AADACL2: variants seen among roughly 807,000 people sequenced by gnomAD.
AADACL2 encodes the protein arylacetamide deacetylase like 2, also known as arylacetamide deacetylase-like 2.
Under a neutral mutation model 22.3 loss-of-function variants are expected in AADACL2, and 23 were observed. That is an observed-to-expected ratio of 1.03 (90% CI 0.74 to 1.46). AADACL2 has a LOEUF of 1.46. Among genes scored for constraint, AADACL2 ranks in the 40% most tolerant of loss-of-function variants. AADACL2 has a pLI of 0.00. For missense variants in AADACL2, 472 were observed against 482.9 expected (o/e 0.98, Z 0.21); for synonymous variants, 177 against 166.2 (o/e 1.07, Z -0.50).
chr3:151,759,896 G>T lies in AADACL2; in HGVS notation c.*2302G>T, dbSNP rs760508295. The stretch of plus-strand genomic sequence containing the variant: ...CAAGCCATTAAGTTTGGAAACAACT[G>T]AATGAAAGTCGTCTGTTATAATGTA... On this transcript the variant is annotated 3_prime_UTR_variant, in exon 5 of 5. Transcript: ENST00000356517. The T allele has an allele frequency of 2.0e-5, 3 of 152,144 alleles. No individual in the cohort carries two copies. The highest frequency in any genetic ancestry group is 6.5e-5 in the Admixed American group (1 of 15,270). 9.4% of individuals were successfully genotyped at this position (152,144 alleles called of 1,614,324 possible). A position where few individuals can be genotyped will look rare whatever the true frequency, so the allele number is the denominator to read the frequency against.
Position 151,744,189 on chromosome 3 carries a change from A to G in AADACL2, c.431+27A>G, listed in dbSNP as rs148245193. On this transcript the variant is annotated intron_variant, in intron 3 of 4. Transcript: ENST00000356517. ...TAAGAATGATTTTTTTCTGGCTACT[A>G]TGATTTTTGCCTTTACCATGTAGAG... 2.4e-4 allele frequency: 382 copies of G among 1,612,040 alleles called. 3 individuals are homozygous for G. The South Asian group carries it at 3.7e-3, about 16-fold the overall frequency.
At chr3:151,739,003 C>T (rs1005656979) in intron 1 of AADACL2, among the ~76,000 whole-genome samples, 15 of 152,178 alleles carry the variant, frequency 9.9e-5, no homozygotes, top group Non-Finnish European at 1.9e-4. Flanking sequence ...TCTGTCAATT[C>T]GTCAATCTCA....
At chr3:151,744,264 TTAATA>T (rs1713371402) in intron 3 of AADACL2, 102 bp downstream of exon 3, 1 of 1,070,118 alleles carries the variant, frequency 9.3e-7, no homozygotes, top group African/African-American at 1.6e-5. Context: ...ATTTTTTAAA[TTAATA>T]TATTTTACTT....
chr3:151,745,484 A>G (rs963170928), intron 3 of AADACL2, 25 bp from the exon 4 acceptor site: 43 of 1,599,014 alleles, frequency 2.7e-5, no homozygotes, highest in Non-Finnish European at 3.4e-5. Flanking sequence ...ACAACCATAA[A>G]TGCTTTATTA....
intron 2 of AADACL2, among the ~76,000 whole-genome samples, chr3:151,742,059 C>T (rs1206769254): frequency 6.6e-6 from 1 of 152,114 alleles, no homozygotes; most frequent in East Asian, 1.9e-4. Flanking sequence ...TAGATACTTT[C>T]TAATTTTCAC....
intron 4 of AADACL2, among the ~76,000 whole-genome samples, chr3:151,746,163 T>C (rs899693647): frequency 6.6e-6 from 1 of 152,044 alleles, no homozygotes; most frequent in Non-Finnish European, 1.5e-5. Context: ...CATGGAAATC[T>C]TTTCTCAAAT....
In AADACL2 at chr3:151,758,917, T is replaced by A. The variant is rs978728694; in HGVS notation, c.*1323T>A. ...GTTGGGACCAGACATTTTTCTCAAT[T>A]CTCCATGATTCAGAAGGCAATTAAG... On this transcript the variant is annotated 3_prime_UTR_variant, in exon 5 of 5. Transcript: ENST00000356517. 1 of 152,044 alleles carries A rather than the reference T, an allele frequency of 6.6e-6. No homozygotes were observed. Among genetic ancestry groups the A allele is most frequent in the Non-Finnish European group, 1.5e-5 (1 of 67,972 alleles). The allele number at this position is 152,044 out of a possible 1,614,324, so 9.4% of individuals were successfully genotyped here. A position where few individuals can be genotyped will look rare whatever the true frequency, so the allele number is the denominator to read the frequency against.
chr3:151,760,054 A>G lies in AADACL2; in HGVS notation c.*2460A>G, dbSNP rs577384124. The G allele has an allele frequency of 2.6e-5, 4 of 152,252 alleles. No homozygotes were observed. Among genetic ancestry groups the G allele is most frequent in the African/African-American group, 9.6e-5 (4 of 41,548 alleles). The allele number at this position is 152,252 out of a possible 1,614,324, so 9.4% of individuals were successfully genotyped here. A position where few individuals can be genotyped will look rare whatever the true frequency, so the allele number is the denominator to read the frequency against. ...AATCGGCACATCATCTCAAACATTT[A>G]TCATTTCTTTGTGTTGGGAATTTCA... On this transcript the variant is annotated 3_prime_UTR_variant, in exon 5 of 5. Transcript: ENST00000356517.
chr3:151,753,118 T>TA (rs1284895428), intron 4 of AADACL2, among the ~76,000 whole-genome samples: 4 of 152,168 alleles, frequency 2.6e-5, no homozygotes, highest in Admixed American at 1.3e-4. Context: ...GTCCCATACA[T>TA]AGATAGTATG....
At chr3:151,746,270 A>G (rs1174659368) in intron 4 of AADACL2, among the ~76,000 whole-genome samples, 1 of 151,614 alleles carries the variant, frequency 6.6e-6, no homozygotes. Flanking sequence ...ATTTATTTCT[A>G]TGCTATATAG....
At chr3:151,741,096 A>T (rs1438382590) in intron 2 of AADACL2, among the ~76,000 whole-genome samples, 1 of 152,134 alleles carries the variant, frequency 6.6e-6, no homozygotes, top group East Asian at 1.9e-4. Flanking sequence ...TTGTTTTTTT[A>T]TTATCCTTAG....
At position 151,744,032 on chromosome 3, in the gene AADACL2, T is replaced by C. The variant is rs1350639243; in HGVS notation, c.362-61T>C. On this transcript the variant is annotated intron_variant, in intron 2 of 4. Coordinates refer to ENST00000356517, the MANE Select transcript of AADACL2 (RefSeq NM_207365.4). ...ACAGTTATTTCCACATTCATATCTG[T>C]AACTGTTTCTATAGCTTTTTAATTA... The C allele has an allele frequency of 1.6e-5, 25 of 1,535,690 alleles. No homozygotes were observed. In the Admixed American group the frequency reaches 4.0e-4, roughly 25 times the overall value.
chr3:151,743,203 G>T (rs1713335223), intron 2 of AADACL2, among the ~76,000 whole-genome samples: 1 of 151,930 alleles, frequency 6.6e-6, no homozygotes, highest in African/African-American at 2.4e-5. Flanking sequence ...TTACTTTCCT[G>T]TTTTCCAGGT....
At chr3:151,754,649 T>C (rs1383003887) in intron 4 of AADACL2, among the ~76,000 whole-genome samples, 5 of 152,164 alleles carry the variant, frequency 3.3e-5, no homozygotes, top group African/African-American at 9.6e-5. Flanking sequence ...ACCTTTAAGT[T>C]ACTTAGCTAT....
At chr3:151,756,266 A>C (rs538498944) in intron 4 of AADACL2, among the ~76,000 whole-genome samples, 1 of 152,262 alleles carries the variant, frequency 6.6e-6, no homozygotes, top group Non-Finnish European at 1.5e-5. Context: ...TCTTTGAAAA[A>C]GAAAAGGCAC....
intron 1 of AADACL2, among the ~76,000 whole-genome samples, chr3:151,736,333 T>C (rs1713085857): frequency 6.6e-6 from 1 of 151,672 alleles, no homozygotes; most frequent in African/African-American, 2.4e-5. Context: ...TTACTTCAAG[T>C]TCTGGGATAC....
At chr3:151,736,302 C>CTTTTTTTTTT (rs10575713) in intron 1 of AADACL2, among the ~76,000 whole-genome samples, 2 of 138,392 alleles carry the variant, frequency 1.4e-5, no homozygotes, top group African/African-American at 2.7e-5. Context: ...AAGGATTTAT[C>CTTTTTTTTTT]TTTTTTTTTT....
chr3:151,743,998 T>G, intron 2 of AADACL2, 95 bp from the exon 3 acceptor site: 1 of 1,339,290 alleles, frequency 7.5e-7, no homozygotes, highest in South Asian at 1.3e-5. Context: ...TATGTGATAT[T>G]CACAAACCAC....
rs560030972 is a variant in AADACL2, at chr3:151,751,279, T to C, written c.603+5599T>C. 1.5e-4 allele frequency among the ~76,000 whole-genome samples: 23 copies of C among 152,278 alleles called. No individual in the cohort carries two copies. The South Asian group carries it at 4.8e-3, about 32-fold the overall frequency. ...GTCTAAAATTTCATCTGAAACCGGTTTGGGGAATGTAGAGATTCTGAAAGC... is the reference window on the plus strand; with the variant it reads ...GTCTAAAATTTCATCTGAAACCGGTCTGGGGAATGTAGAGATTCTGAAAGC... On this transcript the variant is annotated intron_variant, in intron 4 of 4. Coordinates refer to ENST00000356517, the MANE Select transcript of AADACL2 (RefSeq NM_207365.4).
Sources: gnomAD v4.1 joint callset for allele counts (sites outside exome capture counted in the v4.1 genomes callset) on GRCh38, gnomAD v4.1.1 for gene constraint, MANE v1.5 for transcripts, NCBI Gene and HGNC (gene_info 2026-07-23, HGNC 2026-07-21) for gene names.